MYO5C: variants seen among roughly 807,000 people sequenced by gnomAD.
The protein encoded by MYO5C is unconventional myosin-Vc.
In MYO5C, 194 loss-of-function variants were observed where a neutral mutation model predicts 235.7. That is an observed-to-expected ratio of 0.82 (90% CI 0.73 to 0.93). The LOEUF (loss-of-function observed/expected upper bound fraction) is 0.93. MYO5C is among the 40% of genes least tolerant of loss of function. MYO5C has a pLI of 0.00. For synonymous variants in MYO5C, 707 were observed against 754.8 expected, an observed-to-expected ratio of 0.94 and a Z score of 1.04; for missense variants, 2,038 against 2,127.2, an observed-to-expected ratio of 0.96 and a Z score of 0.82.
Position 52,214,640 on chromosome 15 carries a change from T to C in MYO5C, c.4005A>G (p.Gln1335=). 1 of 1,609,430 alleles carries C rather than the reference T, an allele frequency of 6.2e-7. No homozygotes were observed. Among genetic ancestry groups the C allele is most frequent in the Non-Finnish European group, 8.5e-7 (1 of 1,177,686 alleles). ...DMKDRVIKKL[Q]DQVKTLSKTI... is the part of the protein sequence containing the mutation. The stretch of plus-strand genomic sequence containing the variant: ...TCTTGCTTAGTGTCTTGACTTGATC[T>C]TGTAGCTTTTTAATCACTCTGTCTT... Residue 1335 remains glutamine, a synonymous_variant, in exon 33 of 41, where the codon CAA becomes CAG. Transcript: ENST00000261839.
rs542171383 is a variant in MYO5C, at chr15:52,286,416, G to A, written c.28-3524C>T. Among the ~76,000 whole-genome samples, 20 of 152,114 alleles carry A rather than the reference G, an allele frequency of 1.3e-4. No individual in the cohort carries two copies. In the East Asian group the frequency reaches 1.4e-3, roughly 10 times the overall value. On this transcript the variant is annotated intron_variant, in intron 1 of 40. Transcript: ENST00000261839. ...TGGGAAGTGAGGAGCCCCTCTGCCC[G>A]GCCACCACCCCGTCTGGGAGGTGTG...
At chr15:52,232,714 T>C (rs768796744) in intron 23 of MYO5C, 29 bp from the exon 24 acceptor site, 18 of 1,594,540 alleles carry the variant, frequency 1.1e-5, no homozygotes, top group Non-Finnish European at 1.4e-5. Flanking sequence ...TTTTGAGATA[T>C]GTCTGCCAAA....
intron 19 of MYO5C, 54 bp from the exon 20 acceptor site, chr15:52,242,267 A>G (rs1308762524): frequency 1.3e-6 from 2 of 1,542,790 alleles, no homozygotes; most frequent in East Asian, 2.3e-5. Context: ...ATCAACTTCC[A>G]TAACAGAGCT....
intron 5 of MYO5C, among the ~76,000 whole-genome samples, chr15:52,273,169 A>C (rs2036963087): frequency 6.6e-6 from 1 of 152,220 alleles, no homozygotes; most frequent in Non-Finnish European, 1.5e-5. Context: ...AACATAAAAA[A>C]AAAATTAGAC....
At chr15:52,195,003 T>C (rs1334711730) in intron 40 of MYO5C, among the ~76,000 whole-genome samples, 1 of 152,104 alleles carries the variant, frequency 6.6e-6, no homozygotes, top group African/African-American at 2.4e-5. Flanking sequence ...TAGAGTTCCT[T>C]AGGGGACAAA....
At position 52,213,284 on chromosome 15, in the gene MYO5C, T is replaced by C; in HGVS notation, c.4045A>G (p.Asn1349Asp). Residue 1349 changes from asparagine (N) to aspartate (D), a missense_variant and splice_region_variant, in exon 34 of 41, where the codon AAT becomes GAT. Asn to Asp is a conservative substitution (Grantham distance 23). Coordinates refer to ENST00000261839, the MANE Select transcript of MYO5C (RefSeq NM_018728.4). ...KTLSKTIGKA[N>D]DVHSSSGPKE... ...GGTCCTGAGGACGAGTGCACATCAT[T>C]GGCTGTAGACAGAGGCAAACAATCA... 6.2e-7 allele frequency: 1 copy of C among 1,612,486 alleles called. No homozygotes were observed. Among genetic ancestry groups the C allele is most frequent in the Non-Finnish European group, 8.5e-7 (1 of 1,178,556 alleles).
chr15:52,211,250 G>A (rs1460686759), intron 35 of MYO5C, among the ~76,000 whole-genome samples: 2 of 152,236 alleles, frequency 1.3e-5, no homozygotes, highest in African/African-American at 4.8e-5. Context: ...GGTGGCAGGT[G>A]TCTCATAGCT....
At chr15:52,290,877 C>A (rs1257275572) in intron 1 of MYO5C, among the ~76,000 whole-genome samples, 1 of 151,942 alleles carries the variant, frequency 6.6e-6, no homozygotes, top group Non-Finnish European at 1.5e-5. Context: ...TAAAAAAAAT[C>A]AACTGTATTA....
chr15:52,276,257 T>C (rs890748969), intron 4 of MYO5C, among the ~76,000 whole-genome samples: 2 of 152,150 alleles, frequency 1.3e-5, no homozygotes, highest in Non-Finnish European at 2.9e-5. Flanking sequence ...CAGCTAAGAC[T>C]GATTGCAGCA....
chr15:52,277,939 A>C (rs557555651), intron 4 of MYO5C: 11 of 456,032 alleles, frequency 2.4e-5, no homozygotes, highest in Non-Finnish European at 4.4e-5. Flanking sequence ...CATAAAGCGG[A>C]GGGAGCTCAG....
chr15:52,275,061 T>C lies in MYO5C; in HGVS notation c.606+501A>G, dbSNP rs181082483. Among the ~76,000 whole-genome samples the C allele has an allele frequency of 3.3e-3, 502 of 152,298 alleles. 2 individuals are homozygous for C. Among genetic ancestry groups the C allele is most frequent in the Non-Finnish European group, 5.5e-3 (372 of 68,022 alleles). On this transcript the variant is annotated intron_variant, in intron 5 of 40. Transcript: ENST00000261839. ...TGGCCTTGCCCACTCTCTGTCCCAG[T>C]CAGTAGTGTGCTGATGAACTGGCTC...
At chr15:52,218,480 CACAG>C (rs1388181591) in intron 32 of MYO5C, 35 bp downstream of exon 32, 4 of 1,602,122 alleles carry the variant, frequency 2.5e-6, no homozygotes, top group Middle Eastern at 3.3e-4. Context: ...AACATCTGCA[CACAG>C]ACAGTCTTTA....
At chr15:52,231,948 C>G (rs1037824958) in intron 24 of MYO5C, among the ~76,000 whole-genome samples, 1 of 152,120 alleles carries the variant, frequency 6.6e-6, no homozygotes, top group Non-Finnish European at 1.5e-5. Context: ...CTTACCTTAT[C>G]TTTTGGGATA....
At chr15:52,218,822 C>G (rs1265701236) in intron 31 of MYO5C, 135 bp from the exon 32 acceptor site, 1 of 824,552 alleles carries the variant, frequency 1.2e-6, no homozygotes, top group Non-Finnish European at 1.9e-6. Flanking sequence ...AAATAGTATT[C>G]GAATAGGGGT....
intron 12 of MYO5C, among the ~76,000 whole-genome samples, chr15:52,252,717 G>A (rs1009432566): frequency 2.0e-5 from 3 of 151,886 alleles, no homozygotes; most frequent in Admixed American, 6.6e-5. Context: ...GGAGGTTGCA[G>A]TGAGCCGAGA....
At chr15:52,224,410 T>G (rs1446775913) in intron 28 of MYO5C, among the ~76,000 whole-genome samples, 1 of 152,168 alleles carries the variant, frequency 6.6e-6, no homozygotes, top group East Asian at 1.9e-4. Context: ...AGACTTGAGG[T>G]GACAGTGGCG....
At position 52,239,990 on chromosome 15, in the gene MYO5C, TGTC is replaced by T. The variant is rs1388056967; in HGVS notation, c.2557-114_2557-112del. On this transcript the variant is annotated intron_variant, in intron 20 of 40. Transcript: ENST00000261839. ...ACGGTGTAGAAAATGAGTTTCTTCT[TGTC>T]AACCTGCACAGCCGTATTACAGCTA... 2.6e-6 allele frequency: 3 copies of T among 1,145,746 alleles called. No homozygotes were observed. In the African/African-American group the frequency reaches 4.7e-5, roughly 18 times the overall value. 71.0% of individuals were successfully genotyped at this position (1,145,746 alleles called of 1,614,324 possible).
chr15:52,196,245 G>A, intron 39 of MYO5C, 64 bp downstream of exon 39: 2 of 1,468,696 alleles, frequency 1.4e-6, no homozygotes, highest in South Asian at 1.4e-5. Context: ...AACCAAGAAA[G>A]GCAATGCCCA....
In MYO5C at chr15:52,232,625, C is replaced by CCAAACA. The variant is rs768525899; in HGVS notation, c.3022_3023insTGTTTG (p.Arg1008delinsMetPheGly). ...TAAGGCAAACTAGATTCCATACATTCTTTGCCGTTCTTCCTTTTGTACATC... is the reference window on the plus strand; with the variant it reads ...TAAGGCAAACTAGATTCCATACATTCCAAACATTTGCCGTTCTTCCTTTTGTACATC... On this transcript the variant is annotated protein_altering_variant, in exon 24 of 41. Transcript: ENST00000261839. 26 of 1,613,554 alleles carry CCAAACA rather than the reference C, an allele frequency of 1.6e-5. No homozygotes were observed. The highest frequency in any genetic ancestry group is 2.1e-5 in the Non-Finnish European group (25 of 1,179,842).
Sources: gnomAD v4.1 joint callset for allele counts (sites outside exome capture counted in the v4.1 genomes callset) on GRCh38, gnomAD v4.1.1 for gene constraint, MANE v1.5 for transcripts, NCBI Gene and HGNC (gene_info 2026-07-23, HGNC 2026-07-21) for gene names.